Variants in FRMPD4 observed in about 807,000 individuals in gnomAD.
FRMPD4 encodes the protein FERM and PDZ domain containing 4.
FRMPD4 carries 22 observed loss-of-function variants against 94.1 expected under a neutral mutation model. That is an observed-to-expected ratio of 0.23 (90% CI 0.17 to 0.33). The LOEUF (loss-of-function observed/expected upper bound fraction) is 0.33, where lower values mean the gene tolerates loss of function less well. Among genes scored for constraint, FRMPD4 ranks in the 10% least tolerant of loss-of-function variants. The pLI, the probability that FRMPD4 is intolerant of heterozygous loss-of-function variation, is 1.00. For synonymous variants in FRMPD4, 631 were observed against 548.6 expected (o/e 1.15, Z -2.10); for missense variants, 1,111 against 1,339.9 (o/e 0.83, Z 2.67).
intron 3 of FRMPD4, among the ~76,000 whole-genome samples, chrX:11,946,268 C>T (rs1187655509): frequency 9.0e-6 from 1 of 111,432 alleles, no homozygotes. Flanking sequence ...TTTGCTCCGG[C>T]AGACTCACCT....
chrX:11,841,425 T>G (rs947808346), intron 1 of FRMPD4, among the ~76,000 whole-genome samples: 5 of 108,406 alleles, frequency 4.6e-5, no homozygotes, highest in East Asian at 2.9e-4. Context: ...CCTGACTTTT[T>G]AATGATTGCC....
At chrX:12,090,312 G>A (rs1002582781) in intron 3 of FRMPD4, among the ~76,000 whole-genome samples, 2 of 109,502 alleles carry the variant, frequency 1.8e-5, no homozygotes, top group Admixed American at 9.9e-5. Flanking sequence ...TCCTGCTCTG[G>A]CCACGTAAAG....
At position 11,864,211 on chromosome X, in the gene FRMPD4, A is replaced by G. The variant is rs1277006453; in HGVS notation, c.-160-875A>G. 2.7e-5 allele frequency among the ~76,000 whole-genome samples: 3 copies of G among 109,916 alleles called. No homozygotes were observed. The East Asian group carries it at 8.6e-4, about 32-fold the overall frequency. On this transcript the variant is annotated intron_variant, in intron 1 of 18. Transcript: ENST00000640291. ...GCATGGATCTATGAAAATAACATCT[A>G]CGGGAATAACTGAAATGAATAAATA...
intron 1 of FRMPD4, among the ~76,000 whole-genome samples, chrX:12,331,470 T>C: frequency 9.8e-6 from 1 of 102,021 alleles, no homozygotes; most frequent in East Asian, 3.0e-4. Context: ...GAATTAGATC[T>C]CTGACACAGA....
chrX:11,953,717 TGC>T (rs1328924350), intron 3 of FRMPD4, among the ~76,000 whole-genome samples: 22 of 111,633 alleles, frequency 2.0e-4, no homozygotes, highest in African/African-American at 7.2e-4. Context: ...GAGCAGGAAA[TGC>T]CTTTCCTTGA....
At chrX:12,327,345 A>G (rs759135185) in intron 1 of FRMPD4, among the ~76,000 whole-genome samples, 7 of 112,054 alleles carry the variant, frequency 6.2e-5, no homozygotes, top group Non-Finnish European at 1.1e-4. Flanking sequence ...TGGTACATGT[A>G]ACATTTTAGA....
chrX:11,983,375 C>T (rs1047759316), intron 3 of FRMPD4, among the ~76,000 whole-genome samples: 1 of 111,778 alleles, frequency 8.9e-6, no homozygotes, highest in African/African-American at 3.2e-5. Context: ...CTCCTCTTTA[C>T]TGTACCACCA....
chrX:12,345,131 AGGATGGATGGATGGAT>A (rs372484963), intron 1 of FRMPD4, among the ~76,000 whole-genome samples: 2,011 of 97,568 alleles, frequency 0.021, 60 homozygotes, highest in African/African-American at 0.072. Flanking sequence ...GACAAATGAA[AGGATGGATGGATGGAT>A]GGATGGATGG....
At chrX:12,520,711 C>T (rs1253595297) in intron 2 of FRMPD4, among the ~76,000 whole-genome samples, 4 of 111,892 alleles carry the variant, frequency 3.6e-5, no homozygotes, top group Admixed American at 2.8e-4. Flanking sequence ...AGAAAGAGAA[C>T]CTGTGTCCCA....
At chrX:12,501,679 G>A (rs947315744) in intron 2 of FRMPD4, among the ~76,000 whole-genome samples, 3 of 110,051 alleles carry the variant, frequency 2.7e-5, no homozygotes, top group South Asian at 3.8e-4. Context: ...TTTTTATCTC[G>A]TCTTAGGATG....
chrX:11,967,768 T>TG (rs1454186122), intron 3 of FRMPD4, among the ~76,000 whole-genome samples: 8 of 103,657 alleles, frequency 7.7e-5, no homozygotes, highest in African/African-American at 2.4e-4. Flanking sequence ...TTTTTTTTTT[T>TG]TTTTTTTTTT....
chrX:11,836,553 T>C (rs895784507), intron 1 of FRMPD4, among the ~76,000 whole-genome samples: 8 of 111,518 alleles, frequency 7.2e-5, no homozygotes, highest in Admixed American at 3.8e-4. Context: ...AGATGGGAGC[T>C]AGAGGAGGCA....
At chrX:12,506,357 C>T (rs957973651) in intron 2 of FRMPD4, among the ~76,000 whole-genome samples, 15 of 111,335 alleles carry the variant, frequency 1.3e-4, no homozygotes, top group African/African-American at 4.9e-4. Context: ...GACACGATCT[C>T]GGCTCACTGC....
intron 5 of FRMPD4, among the ~76,000 whole-genome samples, chrX:12,677,606 T>A (rs1175901235): frequency 4.4e-5 from 5 of 112,417 alleles, no homozygotes; most frequent in African/African-American, 1.6e-4. Context: ...CTACTTTTAT[T>A]ACAGACAATA....
chrX:12,110,052 C>T (rs1369583988), intron 3 of FRMPD4, among the ~76,000 whole-genome samples: 1 of 112,144 alleles, frequency 8.9e-6, no homozygotes, highest in Non-Finnish European at 1.9e-5. Context: ...AAGAGGGAAT[C>T]CTCCCTAACT....
At chrX:12,031,356 G>T (rs1216693528) in intron 3 of FRMPD4, among the ~76,000 whole-genome samples, 1 of 112,268 alleles carries the variant, frequency 8.9e-6, no homozygotes, top group African/African-American at 3.2e-5. Context: ...AACAAACTTG[G>T]AGGAATAAAA....
chrX:12,386,338 T>C (rs916479652), intron 1 of FRMPD4, among the ~76,000 whole-genome samples: 1 of 112,076 alleles, frequency 8.9e-6, no homozygotes, highest in Non-Finnish European at 1.9e-5. Flanking sequence ...GACTAAATGG[T>C]TTATGCAGTG....
At position 12,193,663 on chromosome X, in the gene FRMPD4, G is replaced by A. The variant is rs572332039; in HGVS notation, c.41+54651G>A. ...TGTATAAATAATTAGTGAGCTGACCGAAAAAAGAAAGAGAAAGAGAAAAAG... is the reference window on the plus strand; with the variant it reads ...TGTATAAATAATTAGTGAGCTGACCAAAAAAAGAAAGAGAAAGAGAAAAAG... On this transcript the variant is annotated intron_variant, in intron 1 of 16. Transcript: ENST00000675598. Among the ~76,000 whole-genome samples the A allele has an allele frequency of 1.1e-3, 117 of 102,397 alleles. 2 individuals carry two copies. In the South Asian group the frequency reaches 0.048, roughly 42 times the overall value. 88.9% of individuals were successfully genotyped at this position (102,397 alleles called of 115,157 possible).
intron 1 of FRMPD4, among the ~76,000 whole-genome samples, chrX:11,833,813 C>A (rs2053487743): frequency 9.0e-6 from 1 of 111,532 alleles, no homozygotes; most frequent in Admixed American, 9.6e-5. Flanking sequence ...GGAATATGAG[C>A]AGAAGTGAAG....
Sources: gnomAD v4.1 joint callset for allele counts (sites outside exome capture counted in the v4.1 genomes callset) on GRCh38, gnomAD v4.1.1 for gene constraint, MANE v1.5 for transcripts, NCBI Gene and HGNC (gene_info 2026-07-23, HGNC 2026-07-21) for gene names.